Variants in PRUNE2 observed in about 807,000 individuals in gnomAD.
The protein encoded by PRUNE2 is prune homolog 2 with BCH domain.
Under a neutral mutation model 252.0 loss-of-function variants are expected in PRUNE2, and 164 were observed. The observed-to-expected ratio is 0.65, with a 90% CI of 0.57 to 0.74. The LOEUF is 0.74. Among genes scored for constraint, PRUNE2 ranks in the 30% least tolerant of loss-of-function variants. The pLI, the probability that PRUNE2 is intolerant of heterozygous loss-of-function variation, is 0.00. For missense variants in PRUNE2, 3,495 were observed against 3,711.0 expected, an observed-to-expected ratio of 0.94 and a Z score of 1.51; for synonymous variants, 1,292 against 1,350.2, an observed-to-expected ratio of 0.96 and a Z score of 0.94.
chr9:76,863,989 C>T (rs550946684), intron 1 of PRUNE2, among the ~76,000 whole-genome samples: 1 of 152,178 alleles, frequency 6.6e-6, no homozygotes, highest in East Asian at 1.9e-4. Flanking sequence ...GACACATGCA[C>T]TTATATGTTA....
At position 76,644,874 on chromosome 9, in the gene PRUNE2, C is replaced by CT. The variant is rs775954513; in HGVS notation, c.8592dup (p.Glu2865ArgfsTer31). 6.2e-7 allele frequency: 1 copy of CT among 1,613,862 alleles called. No homozygotes were observed. Among genetic ancestry groups the CT allele is most frequent in the South Asian group, 1.1e-5 (1 of 91,074 alleles). Reference sequence around the variant, plus strand: ...TCGGCCGTATATTCTGGAATAGACTCTGACTCTTGGCCAGAATCTTTGTTG... The same window carrying CT: ...TCGGCCGTATATTCTGGAATAGACTCTTGACTCTTGGCCAGAATCTTTGTTG... On this transcript the variant is annotated frameshift_variant, in exon 12 of 19. Coordinates refer to ENST00000376718, the MANE Select transcript of PRUNE2 (RefSeq NM_015225.3). LOFTEE classifies it high-confidence loss of function.
At chr9:76,637,009 G>GTGTGTGTGTGTGTGTGTA (rs1554779750) in intron 14 of PRUNE2, among the ~76,000 whole-genome samples, 1 of 150,288 alleles carries the variant, frequency 6.7e-6, no homozygotes, top group African/African-American at 2.5e-5. Flanking sequence ...GTGTGTGTGT[G>GTGTGTGTGTGTGTGTGTA]TATAATTTTA....
chr9:76,839,322 C>T (rs1413697131), intron 4 of PRUNE2, among the ~76,000 whole-genome samples: 2 of 152,150 alleles, frequency 1.3e-5, no homozygotes, highest in Non-Finnish European at 1.5e-5. Context: ...CAGAAAGTCT[C>T]TTTTCTCATG....
chr9:76,830,680 A>G (rs1482447622), intron 4 of PRUNE2, among the ~76,000 whole-genome samples: 1 of 151,682 alleles, frequency 6.6e-6, no homozygotes, highest in East Asian at 1.9e-4. Flanking sequence ...AAAAAAAAAG[A>G]AAAAGAAAAA....
intron 1 of PRUNE2, among the ~76,000 whole-genome samples, chr9:76,884,139 T>A (rs1464584435): frequency 6.6e-6 from 1 of 152,092 alleles, no homozygotes; most frequent in Admixed American, 6.5e-5. Flanking sequence ...AGTTGATGGT[T>A]TATCCTGCTG....
At chr9:76,799,341 C>CA (rs71354683) in intron 6 of PRUNE2, among the ~76,000 whole-genome samples, 17,911 of 112,582 alleles carry the variant, frequency 0.16, 1,228 homozygotes, top group South Asian at 0.24. Context: ...AACTCTGTCT[C>CA]AAAAAAAAAA....
chr9:76,730,427 A>G (rs2048462365), intron 6 of PRUNE2, among the ~76,000 whole-genome samples: 1 of 152,242 alleles, frequency 6.6e-6, no homozygotes, highest in Non-Finnish European at 1.5e-5. Context: ...ACTTAAACAC[A>G]AATCACCTGG....
chr9:76,673,275 C>T (rs1426196512), intron 9 of PRUNE2, among the ~76,000 whole-genome samples: 1 of 149,444 alleles, frequency 6.7e-6, no homozygotes, highest in African/African-American at 2.4e-5. Context: ...ACTACAAACA[C>T]CTCTACGCAA....
intron 6 of PRUNE2, among the ~76,000 whole-genome samples, chr9:76,806,766 C>T (rs978494411): frequency 2.0e-5 from 3 of 151,462 alleles, no homozygotes; most frequent in African/African-American, 7.3e-5. Flanking sequence ...GATCTGCCTG[C>T]CTTAGCCTCC....
chr9:76,748,731 T>C (rs1339769390), intron 6 of PRUNE2: 1 of 152,062 alleles, frequency 6.6e-6, no homozygotes, highest in Non-Finnish European at 1.5e-5. Flanking sequence ...TTAGAAGAGG[T>C]GAGTGGGTCC....
intron 1 of PRUNE2, among the ~76,000 whole-genome samples, chr9:76,897,129 A>G (rs1215573507): frequency 6.6e-6 from 1 of 152,228 alleles, no homozygotes; most frequent in Non-Finnish European, 1.5e-5. Flanking sequence ...AGATTTTAAC[A>G]TAAAACAAGC....
intron 6 of PRUNE2, among the ~76,000 whole-genome samples, chr9:76,743,639 AATATTG>A (rs2049849581): frequency 6.6e-6 from 1 of 152,240 alleles, no homozygotes; most frequent in South Asian, 2.1e-4. Context: ...GATTGATATA[AATATTG>A]ATCTTATTTG....
At chr9:76,760,562 TC>T (rs1436765788) in intron 6 of PRUNE2, among the ~76,000 whole-genome samples, 1 of 152,164 alleles carries the variant, frequency 6.6e-6, no homozygotes, top group Non-Finnish European at 1.5e-5. Flanking sequence ...CCTGCATTAG[TC>T]CACACTACAT....
chr9:76,856,781 TC>T (rs2132692354), intron 1 of PRUNE2, among the ~76,000 whole-genome samples: 1 of 151,340 alleles, frequency 6.6e-6, no homozygotes, highest in Admixed American at 6.6e-5. Context: ...CAAGATGGAG[TC>T]TCGCTCTGTC....
intron 6 of PRUNE2, among the ~76,000 whole-genome samples, chr9:76,799,153 C>G (rs772242333): frequency 6.6e-6 from 1 of 151,996 alleles, no homozygotes; most frequent in Non-Finnish European, 1.5e-5. Context: ...CCAGCCTGGC[C>G]AACATGGTGA....
chr9:76,878,139 G>C (rs1023097062), intron 1 of PRUNE2, among the ~76,000 whole-genome samples: 2 of 152,186 alleles, frequency 1.3e-5, no homozygotes, highest in Non-Finnish European at 1.5e-5. Flanking sequence ...CCACTGCAGA[G>C]TCAAGGTATT....
In PRUNE2 at chr9:76,703,835, C is replaced by G; in HGVS notation, c.7778G>C (p.Ser2593Thr). The change falls in exon 9 of 19, where the codon AGC becomes ACC. Residue 2593 changes from serine to threonine, a missense_variant. Physicochemically the swap from Ser to Thr is moderately conservative, Grantham distance 58 (BLOSUM62 1). Coordinates refer to ENST00000376718, the MANE Select transcript of PRUNE2 (RefSeq NM_015225.3). Reference protein sequence around the residue: ...ETGLQGTQLASFPDTCQPASL... With the variant: ...ETGLQGTQLATFPDTCQPASL... ...GGCTGGCTGACATGTGTCTGGGAAG[C>G]TTGCTAACTGAGTTCCCTGCAGCCC... 1 of 1,614,020 alleles carries G rather than the reference C, an allele frequency of 6.2e-7. No individual in the cohort carries two copies. Among genetic ancestry groups the G allele is most frequent in the South Asian group, 1.1e-5 (1 of 91,086 alleles).
chr9:76,891,098 C>T (rs1028246847), intron 1 of PRUNE2, among the ~76,000 whole-genome samples: 2 of 152,130 alleles, frequency 1.3e-5, no homozygotes, highest in Non-Finnish European at 2.9e-5. Context: ...TTTGAAAGAG[C>T]GGAATTTAGC....
chr9:76,631,776 A>G (rs557804431), intron 15 of PRUNE2, among the ~76,000 whole-genome samples: 1 of 152,262 alleles, frequency 6.6e-6, no homozygotes, highest in South Asian at 2.1e-4. Context: ...CACCTAGTTA[A>G]TGAGCATAGT....
Sources: gnomAD v4.1 joint callset for allele counts (sites outside exome capture counted in the v4.1 genomes callset) on GRCh38, gnomAD v4.1.1 for gene constraint, MANE v1.5 for transcripts, NCBI Gene and HGNC (gene_info 2026-07-23, HGNC 2026-07-21) for gene names.